UGT1A10: variants seen among roughly 807,000 people sequenced by gnomAD.
The protein encoded by UGT1A10 is UDP-glucuronosyltransferase 1A10.
A neutral mutation model predicts 45.8 loss-of-function variants in UGT1A10; 49 were observed. That is an observed-to-expected ratio of 1.07 (90% CI 0.85 to 1.36). UGT1A10 has a LOEUF of 1.36. UGT1A10 is among the 40% of genes most tolerant of loss of function. The pLI, the probability that UGT1A10 is intolerant of heterozygous loss-of-function variation, is 0.00. For synonymous variants in UGT1A10, 284 were observed against 249.7 expected, an observed-to-expected ratio of 1.14 and a Z score of -1.29; for missense variants, 745 against 668.6, an observed-to-expected ratio of 1.11 and a Z score of -1.26.
intron 1 of UGT1A10, among the ~76,000 whole-genome samples, chr2:233,759,941 CTTG>C (rs1697287093): frequency 6.6e-6 from 1 of 152,156 alleles, no homozygotes; most frequent in Non-Finnish European, 1.5e-5. Flanking sequence ...AGAAGCCTAA[CTTG>C]TTCACTACAT....
At chr2:233,648,320 T>G in intron 1 of UGT1A10, 1 of 531,112 alleles carries the variant, frequency 1.9e-6, no homozygotes, top group Non-Finnish European at 3.5e-6. Context: ...TATTTCTCCC[T>G]CCTCTCGGTG....
At chr2:233,750,678 C>T (rs1368928453) in intron 1 of UGT1A10, 1 of 151,600 alleles carries the variant, frequency 6.6e-6, no homozygotes, top group Admixed American at 6.5e-5. Context: ...CCCAGTGGCT[C>T]CAGCCATGGC....
chr2:233,772,094 C>G (rs995748491), intron 4 of UGT1A10, among the ~76,000 whole-genome samples, 168 bp from the exon 5 acceptor site: 7 of 152,164 alleles, frequency 4.6e-5, no homozygotes, highest in Admixed American at 3.9e-4. Context: ...GCCCGGGCAA[C>G]AGGGCAAGAC....
intron 1 of UGT1A10, among the ~76,000 whole-genome samples, chr2:233,724,565 G>A (rs1428948283): frequency 3.9e-5 from 5 of 129,268 alleles, no homozygotes; most frequent in Non-Finnish European, 6.5e-5. Context: ...CAGATGGGGC[G>A]GCGGGGCAGA....
intron 1 of UGT1A10, among the ~76,000 whole-genome samples, chr2:233,725,570 A>G (rs1169063809): frequency 1.3e-5 from 2 of 152,178 alleles, no homozygotes; most frequent in Admixed American, 1.3e-4. Flanking sequence ...TATATTCGAT[A>G]TAAGATTATG....
intron 1 of UGT1A10, among the ~76,000 whole-genome samples, chr2:233,695,578 A>G (rs1303216360): frequency 6.6e-6 from 1 of 150,450 alleles, no homozygotes; most frequent in Non-Finnish European, 1.5e-5. Context: ...CCCCTTCCCT[A>G]CTTACCCTTT....
rs1386510659 is a variant in UGT1A10, at chr2:233,729,572, T to C, written c.856-37462T>C. The C allele has an allele frequency of 3.1e-6, 5 of 1,613,976 alleles. No homozygotes were observed. The Admixed American group carries it at 6.7e-5, about 22-fold the overall frequency. On this transcript the variant is annotated intron_variant, in intron 1 of 4. Transcript: ENST00000344644. ...CTGAATGCTACTTCCTTTGATGTGG[T>C]TTTAACAGACCCCGTTAACCTCTGC...
At chr2:233,747,297 T>TG (rs1437353605) in intron 1 of UGT1A10, 13 of 1,601,102 alleles carry the variant, frequency 8.1e-6, no homozygotes, top group Non-Finnish European at 1.1e-5. Context: ...GGGCTGAGAG[T>TG]GGGAAGGTGC....
chr2:233,740,927 G>A (rs1691506566), intron 1 of UGT1A10: 1 of 150,310 alleles, frequency 6.7e-6, no homozygotes, highest in African/African-American at 2.5e-5. Flanking sequence ...TCCACAAAAA[G>A]TTTTTTTTTT....
At chr2:233,659,262 C>T (rs1475408807) in intron 1 of UGT1A10, among the ~76,000 whole-genome samples, 3 of 152,124 alleles carry the variant, frequency 2.0e-5, no homozygotes, top group South Asian at 2.1e-4. Flanking sequence ...ATACCAACCT[C>T]GCAGGTAGTC....
intron 1 of UGT1A10, chr2:233,744,077 T>C: frequency 4.4e-6 from 2 of 457,126 alleles, no homozygotes; most frequent in Non-Finnish European, 7.3e-6. Flanking sequence ...GCGCCTCGCA[T>C]CCCAAGATGC....
At chr2:233,764,328 G>A (rs35377848) in intron 1 of UGT1A10, among the ~76,000 whole-genome samples, 4 of 152,284 alleles carry the variant, frequency 2.6e-5, no homozygotes, top group East Asian at 3.9e-4. Flanking sequence ...TTGCCAAGTA[G>A]GGGATGGACT....
intron 1 of UGT1A10, among the ~76,000 whole-genome samples, chr2:233,675,494 T>C (rs1410065529): frequency 1.3e-5 from 2 of 152,156 alleles, no homozygotes; most frequent in East Asian, 3.8e-4. Context: ...GGGGGTGGGA[T>C]ATGGTTACAG....
In UGT1A10 at chr2:233,754,989, C is replaced by G. The variant is rs749655557; in HGVS notation, c.856-12045C>G. On this transcript the variant is annotated intron_variant, in intron 1 of 4. Coordinates refer to ENST00000344644, the MANE Select transcript of UGT1A10 (RefSeq NM_019075.4). ...CTCCCTGAAGACCTCGGCGGGGTCACGGAAGCTGAAGACCTACTCGAAGGG... is the reference window on the plus strand; with the variant it reads ...CTCCCTGAAGACCTCGGCGGGGTCAGGGAAGCTGAAGACCTACTCGAAGGG... 2.3e-6 allele frequency: 3 copies of G among 1,296,678 alleles called. No individual in the cohort carries two copies. The South Asian group carries it at 3.5e-5, about 15-fold the overall frequency. The allele number at this position is 1,296,678 out of a possible 1,614,324, so 80.3% of individuals were successfully genotyped here. A position where few individuals can be genotyped will look rare whatever the true frequency, so the allele number is the denominator to read the frequency against.
At chr2:233,737,942 T>G (rs866502344) in intron 1 of UGT1A10, among the ~76,000 whole-genome samples, 1 of 152,150 alleles carries the variant, frequency 6.6e-6, no homozygotes, top group Non-Finnish European at 1.5e-5. Flanking sequence ...GTCCATTGAC[T>G]GTTTCCCAAC....
intron 1 of UGT1A10, chr2:233,682,137 G>A (rs1381446739): frequency 3.1e-6 from 5 of 1,614,078 alleles, no homozygotes; most frequent in South Asian, 1.1e-5. Flanking sequence ...TGGCAACTGG[G>A]AAGATCACTG....
chr2:233,690,026 G>C (rs1455242628), intron 1 of UGT1A10: 1 of 432,784 alleles, frequency 2.3e-6, no homozygotes, highest in African/African-American at 2.1e-5. Flanking sequence ...CCTTCCTCAA[G>C]ATCTGGGCCC....
At chr2:233,650,335 G>A (rs2073709195) in intron 1 of UGT1A10, among the ~76,000 whole-genome samples, 1 of 152,164 alleles carries the variant, frequency 6.6e-6, no homozygotes, top group Non-Finnish European at 1.5e-5. Context: ...AGCTGATCTG[G>A]CTGCAATGAT....
At chr2:233,739,387 C>T (rs1691076515) in intron 1 of UGT1A10, among the ~76,000 whole-genome samples, 1 of 152,204 alleles carries the variant, frequency 6.6e-6, no homozygotes, top group Non-Finnish European at 1.5e-5. Flanking sequence ...CTGGAAGAGC[C>T]ACAGACATCA....
Sources: gnomAD v4.1 joint callset for allele counts (sites outside exome capture counted in the v4.1 genomes callset) on GRCh38, gnomAD v4.1.1 for gene constraint, MANE v1.5 for transcripts, NCBI Gene and HGNC (gene_info 2026-07-23, HGNC 2026-07-21) for gene names.